The following ABL1 variants were observed in gnomAD, a reference collection of about 807,000 sequenced individuals.
ABL1 encodes the protein ABL proto-oncogene 1, non-receptor tyrosine kinase, also known as tyrosine-protein kinase ABL1.
ABL1 carries 11 observed loss-of-function variants against 94.7 expected under a neutral mutation model. The ratio of observed to expected loss-of-function variants is 0.12; its 90% CI spans 0.07 to 0.19. ABL1 has a LOEUF of 0.19. Ranked by LOEUF, ABL1 falls within the 10% of genes least tolerant of loss-of-function variation. The pLI, the probability that ABL1 is intolerant of heterozygous loss-of-function variation, is 1.00. For synonymous variants in ABL1, 656 were observed against 622.4 expected, an observed-to-expected ratio of 1.05 and a Z score of -0.80; for missense variants, 1,082 against 1,489.4, an observed-to-expected ratio of 0.73 and a Z score of 4.50.
intron 1 of ABL1, among the ~76,000 whole-genome samples, chr9:130,775,602 A>G (rs1391224273): frequency 1.3e-5 from 2 of 152,186 alleles, no homozygotes; most frequent in Non-Finnish European, 2.9e-5. Flanking sequence ...AGTCTAAAAT[A>G]TAAGCCTATA....
Position 130,835,372 on chromosome 9 carries a change from C to T in ABL1, c.-75C>T, listed in dbSNP as rs1169805242. On this transcript the variant is annotated 5_prime_UTR_variant, in exon 1 of 11. Coordinates refer to ENST00000318560, the MANE Select transcript of ABL1 (RefSeq NM_005157.6). This position sits in a 1 kb window ranked among gnomAD's most constrained non-coding sequence, Gnocchi z 4.6. ...GGGGGCGCCGGGGGGGCGCGCGGGC[C>T]GAGCCGGGCCTGAGCCGGGCCCGCG... is the stretch of plus-strand genomic sequence containing the variant. The T allele has an allele frequency of 4.4e-6, 4 of 917,470 alleles. No homozygotes were observed. Among genetic ancestry groups the T allele is most frequent in the Non-Finnish European group, 5.5e-6 (4 of 728,176 alleles). 56.8% of individuals were successfully genotyped at this position (917,470 alleles called of 1,614,324 possible).
intron 1 of ABL1, among the ~76,000 whole-genome samples, chr9:130,769,321 GC>G: frequency 7.1e-6 from 1 of 141,320 alleles, no homozygotes; most frequent in African/African-American, 2.7e-5. Context: ...CCAAACTATG[GC>G]CCTAGTCTTT....
intron 1 of ABL1, among the ~76,000 whole-genome samples, chr9:130,815,517 C>T (rs1047563406): frequency 6.6e-6 from 1 of 152,134 alleles, no homozygotes; most frequent in Non-Finnish European, 1.5e-5. Context: ...GTAACCGTAA[C>T]TTCAGAGTCT....
chr9:130,843,518 C>T (rs1220030612), intron 1 of ABL1, among the ~76,000 whole-genome samples: 1 of 152,136 alleles, frequency 6.6e-6, no homozygotes, highest in Non-Finnish European at 1.5e-5. Context: ...AAGGCCTGTC[C>T]ACCCAGAGCC....
In ABL1 at chr9:130,757,416, C is replaced by T. The variant is rs559790262; in HGVS notation, c.136+42961C>T. 2.2e-4 allele frequency among the ~76,000 whole-genome samples: 33 copies of T among 152,004 alleles called. 1 individual carries two copies. Among genetic ancestry groups the T allele is most frequent in the Admixed American group, 2.1e-3 (32 of 15,252 alleles). On this transcript the variant is annotated intron_variant, in intron 1 of 10. Coordinates refer to the ABL1 transcript ENST00000372348. Reference sequence around the variant, plus strand: ...TCCCTGTAAAAAATACAAAAATTAGCTGGGGCATGGTAGCGCATGCTTGTA... The same window carrying T: ...TCCCTGTAAAAAATACAAAAATTAGTTGGGGCATGGTAGCGCATGCTTGTA...
intron 1 of ABL1, among the ~76,000 whole-genome samples, chr9:130,736,913 A>G (rs549852895): frequency 2.6e-5 from 4 of 152,296 alleles, no homozygotes; most frequent in Non-Finnish European, 4.4e-5. Context: ...TTGATTGCCT[A>G]TATAGAATCC....
At chr9:130,728,999 G>A (rs1831627642) in intron 1 of ABL1, among the ~76,000 whole-genome samples, 1 of 152,158 alleles carries the variant, frequency 6.6e-6, no homozygotes, top group South Asian at 2.1e-4. Flanking sequence ...TTGACAAGTA[G>A]TTAGGTTACT....
At chr9:130,719,389 C>T (rs1342564342) in intron 1 of ABL1, among the ~76,000 whole-genome samples, 8 of 152,102 alleles carry the variant, frequency 5.3e-5, no homozygotes, top group South Asian at 2.1e-4. Context: ...ATTAGCTGGG[C>T]GTGGTTGCAG....
At chr9:130,728,431 G>C (rs969732329) in intron 1 of ABL1, among the ~76,000 whole-genome samples, 1 of 148,280 alleles carries the variant, frequency 6.7e-6, no homozygotes, top group Non-Finnish European at 1.5e-5. Flanking sequence ...TGTCGCCCAG[G>C]CTGGAGTGCA....
At chr9:130,875,382 A>ATCTG (rs1386552275) in intron 7 of ABL1, among the ~76,000 whole-genome samples, 1 of 151,352 alleles carries the variant, frequency 6.6e-6, no homozygotes, top group Non-Finnish European at 1.5e-5. Flanking sequence ...ACCTCAGGTG[A>ATCTG]TCTGCCTGCC....
At chr9:130,857,184 G>C (rs1259169336) in intron 3 of ABL1, among the ~76,000 whole-genome samples, 3 of 152,200 alleles carry the variant, frequency 2.0e-5, no homozygotes, top group Non-Finnish European at 4.4e-5. Context: ...CGTTGCACGT[G>C]CTTCTTTATG....
chr9:130,855,234 T>G (rs1225343995), intron 3 of ABL1, 138 bp downstream of exon 3: 4 of 1,003,774 alleles, frequency 4.0e-6, no homozygotes, highest in Non-Finnish European at 5.8e-6. Context: ...AGTCATTCCA[T>G]TAGCCTTATG....
At chr9:130,723,428 C>A (rs1423001926) in intron 1 of ABL1, among the ~76,000 whole-genome samples, 1 of 152,128 alleles carries the variant, frequency 6.6e-6, no homozygotes, top group Non-Finnish European at 1.5e-5. Context: ...CTGTGCTTGT[C>A]TAGCTACTTG....
In ABL1 at chr9:130,862,993, G is replaced by C; in HGVS notation, c.780G>C (p.Val260=). The part of the protein sequence containing the change: ...GGQYGEVYEG[V]WKKYSLTVAV... Reference sequence around the variant, plus strand: ...AGTACGGGGAGGTGTACGAGGGCGTGTGGAAGAAATACAGCCTGACGGTGG... The same window carrying C: ...AGTACGGGGAGGTGTACGAGGGCGTCTGGAAGAAATACAGCCTGACGGTGG... Residue 260 remains valine (V), a synonymous_variant, in exon 4 of 11, where the codon GTG becomes GTC. Coordinates refer to ENST00000318560, the MANE Select transcript of ABL1 (RefSeq NM_005157.6). The surrounding 1 kb of genome is among the most constrained non-coding windows in gnomAD (Gnocchi z 5.5). The C allele has an allele frequency of 2.5e-6, 4 of 1,613,388 alleles. No individual in the cohort carries two copies. The highest frequency in any genetic ancestry group is 3.4e-6 in the Non-Finnish European group (4 of 1,179,394).
Position 130,862,840 on chromosome 9 carries a change from C to G in ABL1, c.627C>G (p.Leu209=). The G allele has an allele frequency of 6.2e-7, 1 of 1,614,064 alleles. No individual in the cohort carries two copies. The highest frequency in any genetic ancestry group is 1.6e-4 in the Middle Eastern group (1 of 6,062). The stretch of plus-strand genomic sequence containing the variant: ...ATCATTCAACGGTGGCCGACGGGCT[C>G]ATCACCACGCTCCATTATCCAGCCC... ...VHHHSTVADG[L]ITTLHYPAPK... The change falls in exon 4 of 11, where the codon CTC becomes CTG. Residue 209 remains leucine (L), a synonymous_variant. Transcript: ENST00000318560. This position sits in a 1 kb window ranked among gnomAD's most constrained non-coding sequence, Gnocchi z 5.5.
At chr9:130,859,556 T>C (rs780260841) in intron 3 of ABL1, among the ~76,000 whole-genome samples, 2 of 151,604 alleles carry the variant, frequency 1.3e-5, no homozygotes, top group Non-Finnish European at 2.9e-5. Context: ...GAGCAACCTG[T>C]AAACAGTATG....
At chr9:130,776,850 C>G (rs1418849129) in intron 1 of ABL1, among the ~76,000 whole-genome samples, 1 of 152,162 alleles carries the variant, frequency 6.6e-6, no homozygotes, top group Non-Finnish European at 1.5e-5. Context: ...TCGCGGCCTC[C>G]CAGAGCGCTG....
intron 1 of ABL1, among the ~76,000 whole-genome samples, chr9:130,773,110 C>G (rs1211363233): frequency 6.6e-6 from 1 of 152,312 alleles, no homozygotes; most frequent in Non-Finnish European, 1.5e-5. Context: ...CACCTGAGGT[C>G]AGGAGTTCAA....
At chr9:130,728,247 T>TG (rs1330577150) in intron 1 of ABL1, among the ~76,000 whole-genome samples, 3 of 149,516 alleles carry the variant, frequency 2.0e-5, no homozygotes, top group Non-Finnish European at 4.4e-5. Flanking sequence ...TTTTTTTTTT[T>TG]TGTGGAGACG....
Sources: gnomAD v4.1 joint callset for allele counts (sites outside exome capture counted in the v4.1 genomes callset) on GRCh38, gnomAD v4.1.1 for gene constraint, Gnocchi (gnomAD v3.1) non-coding constraint, MANE v1.5 for transcripts, NCBI Gene and HGNC (gene_info 2026-07-23, HGNC 2026-07-21) for gene names.